JAKMIP1: variants seen among roughly 807,000 people sequenced by gnomAD.
The protein encoded by JAKMIP1 is janus kinase and microtubule interacting protein 1, also known as janus kinase and microtubule-interacting protein 1.
A neutral mutation model predicts 113.0 loss-of-function variants in JAKMIP1; 33 were observed. The observed-to-expected ratio is 0.29, with a 90% CI of 0.22 to 0.39. JAKMIP1 has a LOEUF of 0.39. Among genes scored for constraint, JAKMIP1 ranks in the 10% least tolerant of loss-of-function variants. The pLI is 1.00. For missense variants in JAKMIP1, 813 were observed against 1,080.5 expected (o/e 0.75, Z 3.47); for synonymous variants, 480 against 459.9 (o/e 1.04, Z -0.56).
In JAKMIP1 at chr4:6,105,784, T is replaced by A; in HGVS notation, c.313A>T (p.Ile105Phe). Residue 105 changes from isoleucine to phenylalanine, a missense_variant, in exon 3 of 21, where the codon ATC becomes TTC. Physicochemically the swap from Ile to Phe is conservative, Grantham distance 21. Transcript: ENST00000409021. Reference sequence around the variant, plus strand: ...AGCCGCTGCAGCTCGCCCTCCTTGATCTTGGCGGTGCGCGCCGCCTCCTGC... The same window carrying A: ...AGCCGCTGCAGCTCGCCCTCCTTGAACTTGGCGGTGCGCGCCGCCTCCTGC... ...HEQEAARTAK[I>F]KEGELQRLQA... 6.2e-7 allele frequency: 1 copy of A among 1,607,336 alleles called. No individual in the cohort carries two copies. Among genetic ancestry groups the A allele is most frequent in the Non-Finnish European group, 8.5e-7 (1 of 1,179,406 alleles).
intron 8 of JAKMIP1, chr4:6,070,306 A>G (rs1560139193): frequency 2.6e-6 from 1 of 384,450 alleles, no homozygotes; most frequent in South Asian, 1.5e-4. Context: ...CCTCTAACAC[A>G]CCCGCCCTAG....
At chr4:6,098,594 G>GAAAAGAAAGAAAAAGAA (rs1560180235) in intron 3 of JAKMIP1, among the ~76,000 whole-genome samples, 30 of 129,322 alleles carry the variant, frequency 2.3e-4, no homozygotes, top group Non-Finnish European at 3.7e-4. Context: ...AGGAAAGGAA[G>GAAAAGAAAGAAAAAGAA]AAAGAAAGGA....
Position 6,147,277 on chromosome 4 carries a change from T to G in JAKMIP1, c.-147-34280A>C, listed in dbSNP as rs1420169828. 4.0e-5 allele frequency among the ~76,000 whole-genome samples: 6 copies of G among 151,782 alleles called. No individual in the cohort carries two copies. The East Asian group carries it at 9.7e-4, about 24-fold the overall frequency. On this transcript the variant is annotated intron_variant, in intron 1 of 20. Transcript: ENST00000409021. ...GCACCAAGCCTTAACTCAGTTGTGT[T>G]TTTTGTTTTTTTGTTTTGTTTTGTT... is the stretch of plus-strand genomic sequence containing the variant.
intron 3 of JAKMIP1, among the ~76,000 whole-genome samples, chr4:6,096,319 T>G (rs76021406): frequency 0.012 from 1,814 of 152,384 alleles, 40 homozygotes; most frequent in African/African-American, 0.041. Context: ...CTTTTCTTTG[T>G]GAACTGTGTG....
chr4:6,060,077 A>G (rs976360270), intron 11 of JAKMIP1, among the ~76,000 whole-genome samples: 11 of 152,206 alleles, frequency 7.2e-5, no homozygotes, highest in Non-Finnish European at 1.3e-4. Flanking sequence ...CATTTTCACA[A>G]TTAAAATCTT....
chr4:6,041,637 T>C (rs1032561820), intron 17 of JAKMIP1, among the ~76,000 whole-genome samples: 2 of 152,202 alleles, frequency 1.3e-5, no homozygotes, highest in African/African-American at 4.8e-5. Context: ...CCTGGTTATG[T>C]ATGTAGCATT....
intron 19 of JAKMIP1, 124 bp from the exon 20 acceptor site, chr4:6,029,905 T>A (rs10461053): frequency 6.7e-5 from 47 of 705,722 alleles, no homozygotes; most frequent in Non-Finnish European, 1.1e-4. Context: ...GGCAGCCTGA[T>A]GAGCTCTGAT....
chr4:6,046,578 G>A (rs542983720), intron 16 of JAKMIP1, among the ~76,000 whole-genome samples: 79 of 152,118 alleles, frequency 5.2e-4, no homozygotes, highest in African/African-American at 1.7e-3. Flanking sequence ...AGGGGCAGGC[G>A]GGCGGCAGTG....
chr4:6,027,106 G>C (rs1268130232), intron 20 of JAKMIP1, among the ~76,000 whole-genome samples: 1 of 151,956 alleles, frequency 6.6e-6, no homozygotes, highest in Admixed American at 6.5e-5. Context: ...GGTCTTAACG[G>C]GAGGAAAAAT....
intron 18 of JAKMIP1, among the ~76,000 whole-genome samples, chr4:6,038,580 C>A (rs2108753164): frequency 6.6e-6 from 1 of 152,382 alleles, no homozygotes; most frequent in East Asian, 1.9e-4. Flanking sequence ...CACCATCAGG[C>A]CACTTGCTCT....
intron 2 of JAKMIP1, among the ~76,000 whole-genome samples, chr4:6,111,977 G>A (rs1715008901): frequency 6.6e-6 from 1 of 152,194 alleles, no homozygotes; most frequent in African/African-American, 2.4e-5. Flanking sequence ...TCCACCAAGG[G>A]TCTTCCAAAG....
chr4:6,160,838 C>G (rs994263833), intron 1 of JAKMIP1, among the ~76,000 whole-genome samples: 19 of 151,634 alleles, frequency 1.3e-4, no homozygotes, highest in African/African-American at 3.9e-4. Context: ...GACCTCCACT[C>G]ACCTCCCCTG....
At chr4:6,045,979 G>A (rs887856597) in intron 16 of JAKMIP1, among the ~76,000 whole-genome samples, 17 of 152,216 alleles carry the variant, frequency 1.1e-4, no homozygotes, top group Admixed American at 1.1e-3. Flanking sequence ...TGGAGCAGGG[G>A]TTAACTGGGG....
intron 2 of JAKMIP1, among the ~76,000 whole-genome samples, chr4:6,111,598 G>C (rs980759986): frequency 2.0e-5 from 3 of 152,184 alleles, no homozygotes; most frequent in Non-Finnish European, 2.9e-5. Flanking sequence ...CAGAGGTTTC[G>C]GAGACTTTTA....
rs554500769 is a variant in JAKMIP1 at position 6,086,143 on chromosome 4, C to A, written c.625-514G>T. Reference sequence around the variant, plus strand: ...GGACAACGTTGTCCTCCCGCCCTGACTCCGTCACCCACTCCCAGACTCACG... The same window carrying A: ...GGACAACGTTGTCCTCCCGCCCTGAATCCGTCACCCACTCCCAGACTCACG... On this transcript the variant is annotated intron_variant, in intron 3 of 20. Transcript: ENST00000409021. This position sits in a 1 kb window ranked among gnomAD's most constrained non-coding sequence, Gnocchi z 4.1. Among the ~76,000 whole-genome samples, 1 of 152,266 alleles carries A rather than the reference C, an allele frequency of 6.6e-6. No individual in the cohort carries two copies. The highest frequency in any genetic ancestry group is 1.5e-5 in the Non-Finnish European group (1 of 68,014).
At chr4:6,111,061 G>C (rs1244157086) in intron 2 of JAKMIP1, among the ~76,000 whole-genome samples, 1 of 152,056 alleles carries the variant, frequency 6.6e-6, no homozygotes, top group African/African-American at 2.4e-5. Flanking sequence ...CCAAGTTCCA[G>C]AAGCCCAGTC....
At position 6,200,394 on chromosome 4, in the gene JAKMIP1, G is replaced by C. The variant is rs1442510775; in HGVS notation, c.-289C>G. ...CCACCGCCTTAAAAAGGACAAAACG[G>C]AACAGAAAATGAATGCATGCACAAA... On this transcript the variant is annotated 5_prime_UTR_variant, in exon 1 of 21. Coordinates refer to ENST00000409021, the MANE Select transcript of JAKMIP1 (RefSeq NM_001099433.2). The surrounding 1 kb of genome is among the most constrained non-coding windows in gnomAD (Gnocchi z 7.0). 6.6e-6 allele frequency: 1 copy of C among 152,600 alleles called. No individual in the cohort carries two copies. Among genetic ancestry groups the C allele is most frequent in the Non-Finnish European group, 1.5e-5 (1 of 68,028 alleles). The allele number at this position is 152,600 out of a possible 1,614,324, so 9.5% of individuals were successfully genotyped here.
rs1714528991 is a variant in JAKMIP1 at position 6,042,965 on chromosome 4, C to T, written c.2029-738G>A. Among the ~76,000 whole-genome samples the T allele has an allele frequency of 6.6e-6, 1 of 151,980 alleles. No individual in the cohort carries two copies. Among genetic ancestry groups the T allele is most frequent in the Non-Finnish European group, 1.5e-5 (1 of 67,996 alleles). On this transcript the variant is annotated intron_variant, in intron 16 of 20. Coordinates refer to ENST00000409021, the MANE Select transcript of JAKMIP1 (RefSeq NM_001099433.2). This position sits in a 1 kb window ranked among gnomAD's most constrained non-coding sequence, Gnocchi z 5.2. ...GCTCTGTCCACGTTCCCTCTGGGGT[C>T]TGGGCTGGGGGTGAGCACGGAGGCA...
chr4:6,029,107 C>A (rs1578024886), intron 20 of JAKMIP1, among the ~76,000 whole-genome samples: 1 of 152,208 alleles, frequency 6.6e-6, no homozygotes, highest in Non-Finnish European at 1.5e-5. Context: ...GATGGGATGG[C>A]TATGACATCC....
Sources: allele counts gnomAD v4.1 joint callset (sites outside exome capture counted in the v4.1 genomes callset), GRCh38; gene constraint gnomAD v4.1.1; non-coding constraint Gnocchi (gnomAD v3.1); transcripts MANE v1.5; gene names NCBI Gene and HGNC (gene_info 2026-07-23, HGNC 2026-07-21).